Variants in GPR65 observed in about 807,000 individuals in gnomAD.
GPR65 encodes T-cell death-associated gene 8 protein.
Under a neutral mutation model 0.7 loss-of-function variants are expected in GPR65, and 2 were observed. That is an observed-to-expected ratio of 2.83 (90% confidence interval 1.16 to 8.92). The LOEUF (loss-of-function observed/expected upper bound fraction) is 8.92. Among genes scored for constraint, GPR65 ranks in the 30% most tolerant of loss-of-function variants. The pLI is 0.04. For synonymous variants in GPR65, 128 were observed against 146.5 expected, an observed-to-expected ratio of 0.87 and a Z score of 0.91; for missense variants, 379 against 399.4, an observed-to-expected ratio of 0.95 and a Z score of 0.43.
chr14:88,010,816 A>C lies in GPR65; in HGVS notation c.-32A>C, dbSNP rs373256942. 25 of 1,453,598 alleles carry C rather than the reference A, an allele frequency of 1.7e-5. No homozygotes were observed. Among genetic ancestry groups the C allele is most frequent in the Non-Finnish European group, 2.1e-5 (22 of 1,041,188 alleles). The allele number at this position is 1,453,598 out of a possible 1,614,324, so 90.0% of individuals were successfully genotyped here. A position where few individuals can be genotyped will look rare whatever the true frequency, so the allele number is the denominator to read the frequency against. On this transcript the variant is annotated 5_prime_UTR_variant, in exon 2 of 2. Transcript: ENST00000267549. ...AGACTTCTCTGTTTACTTTCTAAGAACTAATATAATTGCTACCTTAAAAAG... is the reference window on the plus strand; with the variant it reads ...AGACTTCTCTGTTTACTTTCTAAGACCTAATATAATTGCTACCTTAAAAAG...
rs188048850 is a variant in GPR65 at position 88,012,161 on chromosome 14, G to A, written c.*300G>A. On this transcript the variant is annotated 3_prime_UTR_variant, in exon 2 of 2. Coordinates refer to ENST00000267549, the MANE Select transcript of GPR65 (RefSeq NM_003608.4). ...CTTAGAGTCAGTAAAGTATGTAGGG[G>A]ACTGTTTCTTCCTTTGTGTCTGGGT... 5.4e-3 allele frequency: 1,029 copies of A among 191,154 alleles called. 7 individuals are homozygous for A. The highest frequency in any genetic ancestry group is 8.4e-3 in the Non-Finnish European group (733 of 87,598). 11.8% of individuals were successfully genotyped at this position (191,154 alleles called of 1,614,324 possible). A position where few individuals can be genotyped will look rare whatever the true frequency, so the allele number is the denominator to read the frequency against.
At position 88,011,328 on chromosome 14, in the gene GPR65, G is replaced by C. The variant is rs1004430544; in HGVS notation, c.481G>C (p.Asp161His). ...AGATGAAACAGTTGTTGAATATTGC[G>C]ATGCCGAAAAGTCTAATTTTACTTT... ...WEDETVVEYC[D>H]AEKSNFTLCY... Residue 161 changes from aspartate to histidine, a missense_variant, in exon 2 of 2, where the codon GAT (aspartate) becomes CAT (histidine). Asp to His is a moderately conservative substitution (Grantham distance 81). Transcript: ENST00000267549. 6.2e-7 allele frequency: 1 copy of C among 1,613,914 alleles called. No individual in the cohort carries two copies. Among genetic ancestry groups the C allele is most frequent in the African/African-American group, 1.3e-5 (1 of 75,018 alleles).
Position 88,011,840 on chromosome 14 carries a change from G to A in GPR65, c.993G>A (p.Met331Ile), listed in dbSNP as rs898341917. The A allele has an allele frequency of 6.4e-7, 1 of 1,563,794 alleles. No homozygotes were observed. Among genetic ancestry groups the A allele is most frequent in the Non-Finnish European group, 8.7e-7 (1 of 1,154,484 alleles). ...TTTCTGTGTCTACAAAAGATACTAT[G>A]GAATTAGAGGTCCTTGAGTAGAACC... ...RILSVSTKDT[M>I]ELEVLE Residue 331 changes from methionine (M) to isoleucine (I), a missense_variant, in exon 2 of 2, where the codon ATG becomes ATA. Physicochemically the swap from Met to Ile is conservative, Grantham distance 10. Coordinates refer to ENST00000267549, the MANE Select transcript of GPR65 (RefSeq NM_003608.4).
At position 88,010,726 on chromosome 14, in the gene GPR65, G is replaced by T; in HGVS notation, c.-122G>T. ...ATTAATTAGAACTTTAGACAACAAA[G>T]AAAAATTGAAAAAGAATTCTCAGTA... is the stretch of plus-strand genomic sequence containing the variant. On this transcript the variant is annotated 5_prime_UTR_variant, in exon 2 of 2. Coordinates refer to ENST00000267549, the MANE Select transcript of GPR65 (RefSeq NM_003608.4). 1.5e-6 allele frequency: 1 copy of T among 663,508 alleles called. No homozygotes were observed. The highest frequency in any genetic ancestry group is 2.6e-6 in the Non-Finnish European group (1 of 385,308). The allele number at this position is 663,508 out of a possible 1,614,324, so 41.1% of individuals were successfully genotyped here.
chr14:88,006,572 C>A (rs1887597063), intron 1 of GPR65, among the ~76,000 whole-genome samples: 1 of 152,172 alleles, frequency 6.6e-6, no homozygotes, highest in Non-Finnish European at 1.5e-5. Context: ...CCATTGAAAA[C>A]TTTATAAACC....
rs185273552 is a variant in GPR65, at chr14:88,010,488, A to G, written c.-360A>G. ...TACTGTGAGATTTATGAAGAAAAAC[A>G]AATTGCGGACAACTCTCTATGTACA... is the stretch of plus-strand genomic sequence containing the variant. On this transcript the variant is annotated 5_prime_UTR_variant, in exon 2 of 2. Transcript: ENST00000267549. 1.1e-5 allele frequency: 2 copies of G among 184,578 alleles called. No homozygotes were observed. The highest frequency in any genetic ancestry group is 4.8e-5 in the African/African-American group (2 of 42,006). 11.4% of individuals were successfully genotyped at this position (184,578 alleles called of 1,614,324 possible).
At chr14:88,009,569 A>G (rs1887643375) in intron 1 of GPR65, among the ~76,000 whole-genome samples, 1 of 152,126 alleles carries the variant, frequency 6.6e-6, no homozygotes. Context: ...GGTATTCACC[A>G]TGTAAATGAT....
rs1887689102 is a variant in GPR65, at chr14:88,011,954, G to A, written c.*93G>A. The A allele has an allele frequency of 2.3e-6, 2 of 881,986 alleles. No homozygotes were observed. The highest frequency in any genetic ancestry group is 1.8e-6 in the Non-Finnish European group (1 of 565,188). 54.6% of individuals were successfully genotyped at this position (881,986 alleles called of 1,614,324 possible). ...TGAAAAGGAAATCTAGCATGTGAGG[G>A]GACTAAGTGTTCTCAGAGTGATGTT... is the stretch of plus-strand genomic sequence containing the variant. On this transcript the variant is annotated 3_prime_UTR_variant, in exon 2 of 2. Coordinates refer to ENST00000267549, the MANE Select transcript of GPR65 (RefSeq NM_003608.4).
Position 88,011,391 on chromosome 14 carries a change from A to T in GPR65, c.544A>T (p.Asn182Tyr). ...DKYPLEKWQI[N>Y]LNLFRTCTGY... ...ATACCCTTTAGAGAAATGGCAAATC[A>T]ACCTCAACTTGTTCAGGACGTGTAC... The change falls in exon 2 of 2, where the codon AAC (asparagine) becomes TAC (tyrosine). Residue 182 changes from asparagine to tyrosine, a missense_variant. Coordinates refer to ENST00000267549, the MANE Select transcript of GPR65 (RefSeq NM_003608.4). 4 of 1,614,120 alleles carry T rather than the reference A, an allele frequency of 2.5e-6. No homozygotes were observed. The highest frequency in any genetic ancestry group is 3.4e-6 in the Non-Finnish European group (4 of 1,179,980).
In GPR65 at chr14:88,011,296, T is replaced by A; in HGVS notation, c.449T>A (p.Leu150Ter). Residue 150 changes from leucine (L) to a stop codon, truncating the protein, a stop_gained, in exon 2 of 2, where the codon TTG (leucine) becomes TAG (stop). Coordinates refer to ENST00000267549, the MANE Select transcript of GPR65 (RefSeq NM_003608.4). LOFTEE classifies it low-confidence loss of function (END_TRUNC). ...GAAACCATCTTCAATGCTGTCATGT[T>A]GTGGGAAGATGAAACAGTTGTTGAA... Reference protein sequence around the residue: ...ILETIFNAVMLWEDETVVEYC... With the variant: ...ILETIFNAVM The A allele has an allele frequency of 6.2e-7, 1 of 1,613,838 alleles. No individual in the cohort carries two copies. Among genetic ancestry groups the A allele is most frequent in the Non-Finnish European group, 8.5e-7 (1 of 1,179,782 alleles).
Position 88,010,823 on chromosome 14 carries a change from T to C in GPR65, c.-25T>C, listed in dbSNP as rs1407162886. On this transcript the variant is annotated 5_prime_UTR_variant, in exon 2 of 2. Transcript: ENST00000267549. ...TCTGTTTACTTTCTAAGAACTAATA[T>C]AATTGCTACCTTAAAAAGGAAAAAA... 1.3e-6 allele frequency: 2 copies of C among 1,532,618 alleles called. No individual in the cohort carries two copies. The highest frequency in any genetic ancestry group is 1.8e-6 in the Non-Finnish European group (2 of 1,110,336). The allele number at this position is 1,532,618 out of a possible 1,614,324, so 94.9% of individuals were successfully genotyped here. A position where few individuals can be genotyped will look rare whatever the true frequency, so the allele number is the denominator to read the frequency against.
At chr14:88,009,410 A>G (rs970361512) in intron 1 of GPR65, among the ~76,000 whole-genome samples, 6 of 152,138 alleles carry the variant, frequency 3.9e-5, no homozygotes, top group Non-Finnish European at 7.3e-5. Context: ...TTAAGAGTGA[A>G]ATATGATATA....
chr14:88,011,813 A>G lies in GPR65; in HGVS notation c.966A>G (p.Ile322Met). The change falls in exon 2 of 2, where the codon ATA becomes ATG. Residue 322 changes from isoleucine to methionine, a missense_variant. Ile to Met is a conservative substitution (Grantham distance 10, BLOSUM62 1). Transcript: ENST00000267549. Reference protein sequence around the residue: ...CNTSQRQRKRILSVSTKDTME... With the variant: ...CNTSQRQRKRMLSVSTKDTME... The stretch of plus-strand genomic sequence containing the variant: ...CATCACAAAGACAAAGAAAACGCAT[A>G]CTTTCTGTGTCTACAAAAGATACTA... 6.3e-7 allele frequency: 1 copy of G among 1,595,348 alleles called. No homozygotes were observed. The highest frequency in any genetic ancestry group is 1.1e-5 in the South Asian group (1 of 89,076).
At chr14:88,008,063 A>G (rs757976115) in intron 1 of GPR65, among the ~76,000 whole-genome samples, 1 of 152,186 alleles carries the variant, frequency 6.6e-6, no homozygotes, top group African/African-American at 2.4e-5. Context: ...ATTTCTTAAA[A>G]AGGCATATAT....
chr14:88,011,733 A>G lies in GPR65; in HGVS notation c.886A>G (p.Thr296Ala). 1 of 1,613,672 alleles carries G rather than the reference A, an allele frequency of 6.2e-7. No homozygotes were observed. The highest frequency in any genetic ancestry group is 8.5e-7 in the Non-Finnish European group (1 of 1,179,640). The stretch of plus-strand genomic sequence containing the variant: ...AATTCTGTACTGTTTTGTAACCGAA[A>G]CAGGAAGATATGATATGTGGAATAT... ...DPILYCFVTE[T>A]GRYDMWNILK... The change falls in exon 2 of 2, where the codon ACA (threonine) becomes GCA (alanine). Residue 296 changes from threonine (T) to alanine (A), a missense_variant. Thr to Ala is a moderately conservative substitution (Grantham distance 58). Transcript: ENST00000267549.
At chr14:88,010,141 A>T (rs1374333918) in intron 1 of GPR65, among the ~76,000 whole-genome samples, 4 of 152,202 alleles carry the variant, frequency 2.6e-5, no homozygotes, top group Admixed American at 6.5e-5. Flanking sequence ...ATCCATTGAG[A>T]AATATAATTC....
At chr14:88,007,832 A>G (rs914418221) in intron 1 of GPR65, among the ~76,000 whole-genome samples, 18 of 150,056 alleles carry the variant, frequency 1.2e-4, no homozygotes, top group South Asian at 4.2e-4. Flanking sequence ...GAATAAGGTC[A>G]TATTTGTTAG....
At chr14:88,007,677 TTG>T (rs1887613908) in intron 1 of GPR65, among the ~76,000 whole-genome samples, 1 of 150,364 alleles carries the variant, frequency 6.7e-6, no homozygotes, top group South Asian at 2.1e-4. Context: ...TAAACATATT[TTG>T]TGTTTTTTAT....
rs1887665829 is a variant in GPR65, at chr14:88,010,855, G to A, written c.8G>A (p.Ser3Asn). The A allele has an allele frequency of 1.9e-6, 3 of 1,608,712 alleles. No individual in the cohort carries two copies. The highest frequency in any genetic ancestry group is 2.6e-6 in the Non-Finnish European group (3 of 1,175,304). Residue 3 changes from serine (S) to asparagine (N), a missense_variant, in exon 2 of 2, where the codon AGC (serine) becomes AAC (asparagine). Physicochemically the swap from Ser to Asn is conservative, Grantham distance 46. Transcript: ENST00000267549. MNSTCIEEQHDLD... is the reference protein window; with the variant it reads MNNTCIEEQHDLD... ...TACCTTAAAAAGGAAAAAATGAACA[G>A]CACATGTATTGAAGAACAGCATGAC...
Sources: allele counts gnomAD v4.1 joint callset (sites outside exome capture counted in the v4.1 genomes callset), GRCh38; gene constraint gnomAD v4.1.1; transcripts MANE v1.5; gene names NCBI Gene and HGNC (gene_info 2026-07-23, HGNC 2026-07-21).